NCOR1: variants seen among roughly 807,000 people sequenced by gnomAD.
The protein encoded by NCOR1 is protein phosphatase 1, regulatory subunit 109.
In NCOR1, 63 loss-of-function variants were observed where a neutral mutation model predicts 288.1. The ratio of observed to expected loss-of-function variants is 0.22; its 90% confidence interval spans 0.18 to 0.27. The LOEUF (loss-of-function observed/expected upper bound fraction) is 0.27. Among genes scored for constraint, NCOR1 ranks in the 10% least tolerant of loss-of-function variants. The pLI is 1.00. For missense variants in NCOR1, 2,397 were observed against 3,019.2 expected (o/e 0.79, Z 4.83); for synonymous variants, 1,007 against 1,065.9 (o/e 0.94, Z 1.08).
intron 14 of NCOR1, among the ~76,000 whole-genome samples, chr17:16,133,258 C>G (rs1054295646): frequency 1.3e-5 from 2 of 152,142 alleles, no homozygotes; most frequent in African/African-American, 4.8e-5. Context: ...CGTGAGCCAT[C>G]GCACCCAGCC....
intron 21 of NCOR1, among the ~76,000 whole-genome samples, chr17:16,097,394 A>C (rs2066834882): frequency 6.6e-6 from 1 of 152,230 alleles, no homozygotes; most frequent in East Asian, 1.9e-4. Flanking sequence ...CAAGGGCTGG[A>C]ACTTTCAGCT....
rs936564043 is a variant in NCOR1, at chr17:16,089,446, T to G, written c.3016+2417A>C. Among the ~76,000 whole-genome samples, 13 of 151,982 alleles carry G rather than the reference T, an allele frequency of 8.6e-5. No homozygotes were observed. The East Asian group carries it at 2.1e-3, about 25-fold the overall frequency. ...GGTAAGTGAAAACAATTCTCTAAGG[T>G]TTTTTTTCAACCTTTTCTACAGATG... On this transcript the variant is annotated intron_variant, in intron 22 of 45. Coordinates refer to ENST00000268712, the MANE Select transcript of NCOR1 (RefSeq NM_006311.4).
intron 33 of NCOR1, 78 bp from the exon 34 acceptor site, chr17:16,065,097 A>G (rs1351497678): frequency 7.7e-6 from 10 of 1,296,540 alleles, no homozygotes; most frequent in South Asian, 1.4e-5. Flanking sequence ...GATTTTGTCT[A>G]TCTCTGTGAA....
intron 2 of NCOR1, among the ~76,000 whole-genome samples, chr17:16,193,842 T>C (rs1600325147): frequency 2.0e-5 from 3 of 152,094 alleles, no homozygotes; most frequent in Non-Finnish European, 4.4e-5. Flanking sequence ...TAGTACATTC[T>C]GATGACAAAT....
At chr17:16,095,362 C>T (rs369471390) in intron 21 of NCOR1, among the ~76,000 whole-genome samples, 34 of 148,724 alleles carry the variant, frequency 2.3e-4, no homozygotes, top group Admixed American at 1.2e-3. Context: ...GGAGCGTCTC[C>T]GCCCGGCAGC....
intron 41 of NCOR1, among the ~76,000 whole-genome samples, chr17:16,047,501 T>C (rs545054105): frequency 6.6e-6 from 1 of 152,212 alleles, no homozygotes; most frequent in South Asian, 2.1e-4. Context: ...TACACTAAAA[T>C]TAAAACTAAT....
At chr17:16,098,319 G>A (rs761910197) in intron 21 of NCOR1, 48 bp downstream of exon 21, 3 of 1,578,234 alleles carry the variant, frequency 1.9e-6, no homozygotes, top group East Asian at 2.2e-5. Context: ...TGTCTATAAA[G>A]GTCTCAGTTT....
At chr17:16,155,368 AAT>A (rs2079571604) in intron 6 of NCOR1, among the ~76,000 whole-genome samples, 2 of 138,506 alleles carry the variant, frequency 1.4e-5, no homozygotes, top group Non-Finnish European at 3.1e-5. Context: ...AAAAAAAAAA[AAT>A]ACACACACAC....
intron 26 of NCOR1, among the ~76,000 whole-genome samples, chr17:16,077,506 AG>A: frequency 3.8e-5 from 1 of 26,512 alleles, no homozygotes; most frequent in African/African-American, 1.9e-4. Flanking sequence ...AGGAGAGGGG[AG>A]GAGAGGGGAG....
chr17:16,039,051 G>T (rs2057042391), intron 44 of NCOR1, among the ~76,000 whole-genome samples: 2 of 152,216 alleles, frequency 1.3e-5, no homozygotes, highest in Admixed American at 6.5e-5. Context: ...TTACAGGCGT[G>T]AACCACCGCA....
At chr17:16,149,379 G>T in intron 9 of NCOR1, 72 bp downstream of exon 9, 1 of 796,018 alleles carries the variant, frequency 1.3e-6, no homozygotes, top group Non-Finnish European at 2.0e-6. Context: ...ATTAACAGTA[G>T]GAAAGTGAAT....
In NCOR1 at chr17:16,054,331, G is replaced by A. The variant is rs117696793; in HGVS notation, c.6392+3183C>T. Among the ~76,000 whole-genome samples, 574 of 151,172 alleles carry A rather than the reference G, an allele frequency of 3.8e-3. 22 individuals are homozygous for A. In the East Asian group the frequency reaches 0.1, roughly 27 times the overall value. On this transcript the variant is annotated intron_variant, in intron 40 of 45. Coordinates refer to ENST00000268712, the MANE Select transcript of NCOR1 (RefSeq NM_006311.4). ...CTGACAAAGGTCTAATATCCAGCAT[G>A]TATAAAGAGCTTAAACAAATTTACA...
chr17:16,062,589 T>A (rs1379491461), intron 35 of NCOR1, among the ~76,000 whole-genome samples: 1 of 152,232 alleles, frequency 6.6e-6, no homozygotes, highest in African/African-American at 2.4e-5. Context: ...CTACAAATCA[T>A]ATAAGTTCAT....
intron 6 of NCOR1, 101 bp downstream of exon 6, chr17:16,158,659 T>A: frequency 1.6e-6 from 1 of 635,976 alleles, no homozygotes; most frequent in South Asian, 3.3e-5. Flanking sequence ...AGAAATCAGG[T>A]TTTAATAAAG....
rs749706125 is a variant in NCOR1 at position 16,121,208 on chromosome 17, G to C, written c.1696C>G (p.Gln566Glu). The change falls in exon 16 of 46, where the codon CAA becomes GAA. Residue 566 changes from glutamine (Q) to glutamate (E), a missense_variant. Coordinates refer to ENST00000268712, the MANE Select transcript of NCOR1 (RefSeq NM_006311.4). ...GTCTTTCGCCCCCGGGGTGTGGCTT[G>C]CTCTCTTTCCTCAGTTTCTTCTGCT... is the stretch of plus-strand genomic sequence containing the variant. ...GTAEETEERE[Q>E]ATPRGRKTAN... 6.2e-7 allele frequency: 1 copy of C among 1,613,976 alleles called. No homozygotes were observed. The highest frequency in any genetic ancestry group is 8.5e-7 in the Non-Finnish European group (1 of 1,180,010).
At chr17:16,215,265 G>A (rs370709880) in intron 1 of NCOR1, 97 bp downstream of exon 1, 16 of 387,416 alleles carry the variant, frequency 4.1e-5, no homozygotes, top group African/African-American at 3.1e-4. Context: ...GCCCGGCGGA[G>A]AAACCGTCCC....
intron 42 of NCOR1, among the ~76,000 whole-genome samples, chr17:16,044,202 G>C (rs1214941019): frequency 2.0e-5 from 3 of 150,840 alleles, no homozygotes; most frequent in Non-Finnish European, 4.4e-5. Context: ...AGAAAGAAAG[G>C]CTATCTGTAA....
intron 22 of NCOR1, among the ~76,000 whole-genome samples, chr17:16,088,948 G>A (rs2064711518): frequency 6.6e-6 from 1 of 152,080 alleles, no homozygotes; most frequent in South Asian, 2.1e-4. Flanking sequence ...ATGAATTAGA[G>A]TAAGTGTCCT....
chr17:16,071,284 G>C, intron 30 of NCOR1, 125 bp downstream of exon 30: 1 of 1,387,708 alleles, frequency 7.2e-7, no homozygotes, highest in Non-Finnish European at 9.8e-7. Context: ...AAAAGGTACA[G>C]GAAACTTTCA....
Sources: allele counts gnomAD v4.1 joint callset (sites outside exome capture counted in the v4.1 genomes callset), GRCh38; gene constraint gnomAD v4.1.1; transcripts MANE v1.5; gene names NCBI Gene and HGNC (gene_info 2026-07-23, HGNC 2026-07-21).